The following TRAPPC10 variants were observed in gnomAD, a reference collection of about 807,000 sequenced individuals.
TRAPPC10 encodes the protein TRAPP 130 kDa subunit.
A neutral mutation model predicts 125.5 loss-of-function variants in TRAPPC10; 23 were observed. That is an observed-to-expected ratio of 0.18 (90% confidence interval 0.13 to 0.26). The LOEUF (loss-of-function observed/expected upper bound fraction) is 0.26, where lower values mean the gene tolerates loss of function less well. Ranked by LOEUF, TRAPPC10 falls within the 10% of genes least tolerant of loss-of-function variation. The pLI is 1.00. For missense variants in TRAPPC10, 1,123 were observed against 1,308.4 expected, an observed-to-expected ratio of 0.86 and a Z score of 2.19; for synonymous variants, 509 against 518.0, an observed-to-expected ratio of 0.98 and a Z score of 0.24.
At chr21:44,037,346 A>G (rs1181468234) in intron 2 of TRAPPC10, among the ~76,000 whole-genome samples, 3 of 152,198 alleles carry the variant, frequency 2.0e-5, no homozygotes, top group Non-Finnish European at 4.4e-5. Context: ...TTCGCCAAAT[A>G]ACTTTGTTTC....
chr21:44,077,861 A>G (rs2037401568), intron 11 of TRAPPC10, 77 bp downstream of exon 11: 3 of 1,116,718 alleles, frequency 2.7e-6, no homozygotes, highest in African/African-American at 3.1e-5. Context: ...TGGAGTTAGT[A>G]TAAAGTGCAC....
chr21:44,071,407 A>T (rs1409094728), intron 7 of TRAPPC10, among the ~76,000 whole-genome samples: 1 of 152,192 alleles, frequency 6.6e-6, no homozygotes, highest in African/African-American at 2.4e-5. Context: ...TATCACTGCA[A>T]TTAGGTTTTA....
At chr21:44,014,457 G>T (rs1327030976) in intron 1 of TRAPPC10, among the ~76,000 whole-genome samples, 2 of 151,842 alleles carry the variant, frequency 1.3e-5, no homozygotes, top group African/African-American at 4.8e-5. Context: ...GCAGTGGCAT[G>T]ATCTCGGCCA....
At chr21:44,067,654 G>A (rs1362058933) in intron 7 of TRAPPC10, among the ~76,000 whole-genome samples, 2 of 152,178 alleles carry the variant, frequency 1.3e-5, no homozygotes, top group South Asian at 2.1e-4. Context: ...GAGGTGCCAC[G>A]GGTCATCAGC....
chr21:44,063,870 G>C lies in TRAPPC10; in HGVS notation c.1038+85G>C. 4.0e-6 allele frequency: 6 copies of C among 1,512,818 alleles called. No homozygotes were observed. The highest frequency in any genetic ancestry group is 5.3e-6 in the Non-Finnish European group (6 of 1,133,326). 93.7% of individuals were successfully genotyped at this position (1,512,818 alleles called of 1,614,324 possible). ...ACCTTGAGATCCCAGGCATTGAACT[G>C]TTTGTGCTTAAGAAAGGGTTTTCTT... On this transcript the variant is annotated intron_variant, in intron 7 of 22. Coordinates refer to ENST00000291574, the MANE Select transcript of TRAPPC10 (RefSeq NM_003274.5). This position sits in a 1 kb window ranked among gnomAD's most constrained non-coding sequence, Gnocchi z 4.4.
intron 17 of TRAPPC10, chr21:44,088,146 CCT>C (rs1031134750): frequency 5.2e-6 from 3 of 573,646 alleles, no homozygotes; most frequent in African/African-American, 3.8e-5. Flanking sequence ...TCTACCTTTC[CCT>C]CTCAGTTCCA....
rs146634685 is a variant in TRAPPC10 at position 44,088,298 on chromosome 21, C to CAT, written c.2769+372_2769+373dup. 657 of 238,468 alleles carry CAT rather than the reference C, an allele frequency of 2.8e-3. 4 individuals carry two copies. Among genetic ancestry groups the CAT allele is most frequent in the Non-Finnish European group, 4.0e-3 (485 of 119,980 alleles). 14.8% of individuals were successfully genotyped at this position (238,468 alleles called of 1,614,324 possible). On this transcript the variant is annotated intron_variant, in intron 17 of 22. Coordinates refer to ENST00000291574, the MANE Select transcript of TRAPPC10 (RefSeq NM_003274.5). ...GCCTCGGTGTCTGTCCACTGAAACTCATAAGCTCAGCCACGGAGGAGCTGT... is the reference window on the plus strand; with the variant it reads ...GCCTCGGTGTCTGTCCACTGAAACTCATATAAGCTCAGCCACGGAGGAGCTGT...
At chr21:44,062,610 A>T (rs931505603) in intron 6 of TRAPPC10, 8 of 984,608 alleles carry the variant, frequency 8.1e-6, no homozygotes, top group Non-Finnish European at 9.6e-6. Context: ...TCCACTCCAC[A>T]CTGCTGGGTG....
At position 44,080,001 on chromosome 21, in the gene TRAPPC10, C is replaced by G; in HGVS notation, c.1611-14C>G. ...AGTATGAGCCTCTCCACGCTCCTTA[C>G]CTCTCCGCTCCAGCTACCTGCAGAC... is the stretch of plus-strand genomic sequence containing the variant. On this transcript the variant is annotated splice_polypyrimidine_tract_variant and intron_variant, in intron 12 of 22. Transcript: ENST00000291574. 1 of 1,611,450 alleles carries G rather than the reference C, an allele frequency of 6.2e-7. No homozygotes were observed. The highest frequency in any genetic ancestry group is 8.5e-7 in the Non-Finnish European group (1 of 1,177,788).
intron 1 of TRAPPC10, among the ~76,000 whole-genome samples, chr21:44,030,553 C>T (rs1321186812): frequency 1.3e-5 from 2 of 151,926 alleles, no homozygotes; most frequent in East Asian, 3.9e-4. Flanking sequence ...CTGCAACCTC[C>T]GCCTTCCGGT....
intron 1 of TRAPPC10, among the ~76,000 whole-genome samples, chr21:44,020,222 G>A (rs1194184617): frequency 2.0e-5 from 3 of 151,644 alleles, no homozygotes; most frequent in Non-Finnish European, 4.4e-5. Context: ...CGCCTCCTGG[G>A]TTCACGCTAT....
intron 3 of TRAPPC10, among the ~76,000 whole-genome samples, chr21:44,047,565 T>TGTGTGTGTGTGCGCGCGCGC (rs954810521): frequency 1.4e-5 from 2 of 147,092 alleles, no homozygotes; most frequent in Admixed American, 6.7e-5. Context: ...TGTGTGTGTG[T>TGTGTGTGTGTGCGCGCGCGC]GCGCGCACAC....
At chr21:44,076,288 G>A (rs970105021) in intron 9 of TRAPPC10, among the ~76,000 whole-genome samples, 5 of 152,134 alleles carry the variant, frequency 3.3e-5, no homozygotes, top group Non-Finnish European at 7.4e-5. Flanking sequence ...TTAATTCATC[G>A]GAGTATTTGT....
intron 6 of TRAPPC10, among the ~76,000 whole-genome samples, chr21:44,060,915 T>TACATACACACACACACACACACAC (rs60633801): frequency 3.0e-5 from 4 of 132,192 alleles, no homozygotes; most frequent in African/African-American, 9.1e-5. Flanking sequence ...CATACATACA[T>TACATACACACACACACACACACAC]ACACACACAC....
In TRAPPC10 at chr21:44,052,298, G is replaced by C. The variant is rs757430709; in HGVS notation, c.304G>C (p.Ala102Pro). 2 of 1,601,178 alleles carry C rather than the reference G, an allele frequency of 1.2e-6. No individual in the cohort carries two copies. The highest frequency in any genetic ancestry group is 1.7e-6 in the Non-Finnish European group (2 of 1,176,494). The change falls in exon 4 of 23, where the codon GCT becomes CCT. Residue 102 changes from alanine (A) to proline (P), a missense_variant. Physicochemically the swap from Ala to Pro is conservative, Grantham distance 27 (BLOSUM62 -1). Transcript: ENST00000291574. ...TECCDTEVYKATVKDDLTKWQ... is the reference protein window; with the variant it reads ...TECCDTEVYKPTVKDDLTKWQ... ...TTTTTAGGATACCGAAGTGTATAAA[G>C]CTACAGTAAAAGATGACCTCACCAA...
chr21:44,073,416 G>A (rs1287325264), intron 7 of TRAPPC10, among the ~76,000 whole-genome samples: 1 of 152,218 alleles, frequency 6.6e-6, no homozygotes, highest in African/African-American at 2.4e-5. Flanking sequence ...CCACTTAAAA[G>A]TGTAAGATGC....
intron 1 of TRAPPC10, among the ~76,000 whole-genome samples, chr21:44,029,477 T>G (rs1301254874): frequency 6.6e-6 from 1 of 152,220 alleles, no homozygotes; most frequent in African/African-American, 2.4e-5. Flanking sequence ...ATGTGAAGAT[T>G]TAAGAGTTTA....
chr21:44,044,789 A>C (rs1434528478), intron 3 of TRAPPC10, among the ~76,000 whole-genome samples: 1 of 148,528 alleles, frequency 6.7e-6, no homozygotes, highest in Admixed American at 6.8e-5. Flanking sequence ...TCAGCCTCTG[A>C]AGTAGCTGAG....
Position 44,059,854 on chromosome 21 carries a change from A to G in TRAPPC10, c.790+640A>G. The G allele has an allele frequency of 3.9e-6, 1 of 256,382 alleles. No homozygotes were observed. The highest frequency in any genetic ancestry group is 7.4e-6 in the Non-Finnish European group (1 of 135,930). 15.9% of individuals were successfully genotyped at this position (256,382 alleles called of 1,614,324 possible). A position where few individuals can be genotyped will look rare whatever the true frequency, so the allele number is the denominator to read the frequency against. ...CTCCAGGTTAGCAGGTGGGGTTTGG[A>G]GTTGTTTTTGTTACAATTGGTATTC... On this transcript the variant is annotated intron_variant, in intron 6 of 22. Coordinates refer to ENST00000291574, the MANE Select transcript of TRAPPC10 (RefSeq NM_003274.5). This position sits in a 1 kb window ranked among gnomAD's most constrained non-coding sequence, Gnocchi z 4.4.
Sources: gnomAD v4.1 joint callset for allele counts (sites outside exome capture counted in the v4.1 genomes callset) on GRCh38, gnomAD v4.1.1 for gene constraint, Gnocchi (gnomAD v3.1) non-coding constraint, MANE v1.5 for transcripts, NCBI Gene and HGNC (gene_info 2026-07-23, HGNC 2026-07-21) for gene names.